Variants in ADAMTS3 observed in about 807,000 individuals in gnomAD.
The protein encoded by ADAMTS3 is ADAM metallopeptidase with thrombospondin type 1 motif 3.
A neutral mutation model predicts 129.0 loss-of-function variants in ADAMTS3; 73 were observed. The observed-to-expected ratio is 0.57, with a 90% confidence interval of 0.47 to 0.69. The LOEUF (loss-of-function observed/expected upper bound fraction) is 0.69. Ranked by LOEUF, ADAMTS3 falls within the 30% of genes least tolerant of loss-of-function variation. The pLI is 0.00. For synonymous variants in ADAMTS3, 477 were observed against 510.8 expected, an observed-to-expected ratio of 0.93 and a Z score of 0.89; for missense variants, 1,457 against 1,514.5, an observed-to-expected ratio of 0.96 and a Z score of 0.63.
chr4:72,510,074 T>TA (rs34361916), intron 3 of ADAMTS3, among the ~76,000 whole-genome samples: 257 of 145,262 alleles, frequency 1.8e-3, no homozygotes, highest in Admixed American at 8.0e-3. Flanking sequence ...CCCTTCATGA[T>TA]AAAAAAAAAA....
chr4:72,447,095 G>T (rs1292048426), intron 3 of ADAMTS3, among the ~76,000 whole-genome samples: 1 of 151,690 alleles, frequency 6.6e-6, no homozygotes, highest in African/African-American at 2.4e-5. Context: ...TTCAATCCCA[G>T]TTCCACTCCT....
chr4:72,456,897 A>AGGAT (rs1718637705), intron 3 of ADAMTS3, among the ~76,000 whole-genome samples: 1 of 151,676 alleles, frequency 6.6e-6, no homozygotes, highest in Non-Finnish European at 1.5e-5. Flanking sequence ...TAAAAGACAA[A>AGGAT]AGAAAGTCTT....
intron 17 of ADAMTS3, among the ~76,000 whole-genome samples, chr4:72,301,906 A>G (rs1193810198): frequency 6.6e-6 from 1 of 152,014 alleles, no homozygotes; most frequent in East Asian, 1.9e-4. Context: ...TGGGTCCATG[A>G]CTGAGGGTTG....
chr4:72,305,936 T>C (rs1191282113), intron 16 of ADAMTS3, 51 bp downstream of exon 16: 13 of 1,456,834 alleles, frequency 8.9e-6, no homozygotes, highest in Non-Finnish European at 1.2e-5. Context: ...TCTTTGACAT[T>C]TCAATGTTTC....
chr4:72,568,051 G>C (rs530916060), intron 1 of ADAMTS3: 5 of 153,350 alleles, frequency 3.3e-5, no homozygotes, highest in Non-Finnish European at 7.3e-5. Flanking sequence ...GTTGTGCAGA[G>C]GGGGAGGGGA....
chr4:72,515,734 T>C (rs1399951256), intron 3 of ADAMTS3, among the ~76,000 whole-genome samples: 2 of 151,930 alleles, frequency 1.3e-5, no homozygotes, highest in Non-Finnish European at 2.9e-5. Flanking sequence ...TTCTGGATAT[T>C]AGCCCTTTGT....
At chr4:72,396,373 A>C (rs935400320) in intron 4 of ADAMTS3, among the ~76,000 whole-genome samples, 5 of 152,246 alleles carry the variant, frequency 3.3e-5, no homozygotes, top group Non-Finnish European at 7.3e-5. Flanking sequence ...ATGAAGTAAC[A>C]TAATAACATG....
Position 72,530,806 on chromosome 4 carries a change from T to C in ADAMTS3, c.504+17672A>G, listed in dbSNP as rs1184324501. 2.6e-4 allele frequency among the ~76,000 whole-genome samples: 14 copies of C among 53,160 alleles called. 1 individual carries two copies. Among genetic ancestry groups the C allele is most frequent in the African/African-American group, 1.1e-3 (14 of 12,452 alleles). The allele number at this position is 53,160 out of a possible 152,430, so 34.9% of individuals were successfully genotyped here. A position where few individuals can be genotyped will look rare whatever the true frequency, so the allele number is the denominator to read the frequency against. On this transcript the variant is annotated intron_variant, in intron 3 of 21. Coordinates refer to ENST00000286657, the MANE Select transcript of ADAMTS3 (RefSeq NM_014243.3). ...ATTATACATTATATATTATATATAT[T>C]ATATATTATATATTATATAGATTAT...
intron 5 of ADAMTS3, among the ~76,000 whole-genome samples, chr4:72,329,135 G>C (rs1184136913): frequency 1.3e-5 from 2 of 152,170 alleles, no homozygotes; most frequent in East Asian, 3.9e-4. Context: ...TTGAGTCTCT[G>C]TTCTTATGAA....
At chr4:72,381,917 A>T (rs1306888236) in intron 4 of ADAMTS3, among the ~76,000 whole-genome samples, 1 of 152,184 alleles carries the variant, frequency 6.6e-6, no homozygotes, top group Non-Finnish European at 1.5e-5. Context: ...TGGGATCAGG[A>T]TCTGAGGATA....
intron 4 of ADAMTS3, among the ~76,000 whole-genome samples, chr4:72,373,053 C>T (rs896739652): frequency 7.2e-5 from 11 of 151,996 alleles, no homozygotes; most frequent in Admixed American, 3.9e-4. Flanking sequence ...GCATAATCCC[C>T]GTTAAAATTG....
At chr4:72,385,504 T>A (rs925081541) in intron 4 of ADAMTS3, among the ~76,000 whole-genome samples, 2 of 152,060 alleles carry the variant, frequency 1.3e-5, no homozygotes, top group Non-Finnish European at 2.9e-5. Context: ...AATAATTACA[T>A]TAAGTGAAAT....
At chr4:72,524,657 C>T (rs1046897228) in intron 3 of ADAMTS3, among the ~76,000 whole-genome samples, 44 of 152,090 alleles carry the variant, frequency 2.9e-4, no homozygotes, top group African/African-American at 9.6e-4. Flanking sequence ...AGACTAACTC[C>T]GGAGTCTGTT....
intron 2 of ADAMTS3, among the ~76,000 whole-genome samples, chr4:72,555,424 T>C (rs564753647): frequency 6.6e-6 from 1 of 151,920 alleles, no homozygotes; most frequent in South Asian, 2.1e-4. Context: ...GCAAACTGAA[T>C]GGGGCCGCCA....
intron 5 of ADAMTS3, among the ~76,000 whole-genome samples, chr4:72,328,659 A>G (rs1719758552): frequency 6.6e-6 from 1 of 151,536 alleles, no homozygotes; most frequent in African/African-American, 2.4e-5. Context: ...ATGAGTTCAT[A>G]TAGGTACAGT....
At chr4:72,432,709 G>A (rs866578203) in intron 3 of ADAMTS3, among the ~76,000 whole-genome samples, 1 of 151,934 alleles carries the variant, frequency 6.6e-6, no homozygotes, top group Non-Finnish European at 1.5e-5. Context: ...CCTTGAGACT[G>A]TCCTCTTCAT....
intron 4 of ADAMTS3, among the ~76,000 whole-genome samples, chr4:72,352,566 G>A (rs941053448): frequency 1.3e-5 from 2 of 151,886 alleles, no homozygotes; most frequent in African/African-American, 4.8e-5. Flanking sequence ...GCAAACAAAC[G>A]TGAATAAGCT....
intron 3 of ADAMTS3, among the ~76,000 whole-genome samples, chr4:72,446,815 T>G (rs2109965722): frequency 6.6e-6 from 1 of 151,756 alleles, no homozygotes; most frequent in African/African-American, 2.4e-5. Flanking sequence ...AACTAGTGAA[T>G]CTAAGATTTT....
rs556713392 is a variant in ADAMTS3, at chr4:72,316,587, C to T, written c.1486-616G>A. On this transcript the variant is annotated intron_variant, in intron 10 of 21. Transcript: ENST00000286657. ...CCTCTAATTCCAGCTACTTGGGAGG[C>T]TGAGGCAGGAGAATCGCTGGAACCC... 3.9e-5 allele frequency among the ~76,000 whole-genome samples: 6 copies of T among 152,058 alleles called. No individual in the cohort carries two copies. In the South Asian group the frequency reaches 8.3e-4, roughly 21 times the overall value.
Sources: allele counts gnomAD v4.1 joint callset (sites outside exome capture counted in the v4.1 genomes callset), GRCh38; gene constraint gnomAD v4.1.1; transcripts MANE v1.5; gene names NCBI Gene and HGNC (gene_info 2026-07-23, HGNC 2026-07-21).